NR1I2: variants seen among roughly 807,000 people sequenced by gnomAD.
NR1I2 encodes the protein nuclear receptor subfamily 1 group I member 2.
A neutral mutation model predicts 43.3 loss-of-function variants in NR1I2; 42 were observed. That is an observed-to-expected ratio of 0.97 (90% CI 0.76 to 1.26). NR1I2 has a LOEUF of 1.26. NR1I2 is among the 50% of genes most tolerant of loss of function. The pLI is 0.00. For synonymous variants in NR1I2, 229 were observed against 215.0 expected (o/e 1.06, Z -0.57); for missense variants, 559 against 566.7 (o/e 0.99, Z 0.14).
intron 4 of NR1I2, among the ~76,000 whole-genome samples, chr3:119,812,430 C>A (rs1197559194): frequency 6.6e-6 from 1 of 152,186 alleles, no homozygotes; most frequent in East Asian, 1.9e-4. Flanking sequence ...TTTAACCAAG[C>A]AGGGATGTGT....
At chr3:119,816,281 G>A (rs78559970) in intron 8 of NR1I2, among the ~76,000 whole-genome samples, 1 of 152,252 alleles carries the variant, frequency 6.6e-6, no homozygotes, top group East Asian at 1.9e-4. Flanking sequence ...TTCCTTGTAT[G>A]GAGGCAGGAG....
In NR1I2 at chr3:119,808,068, T is replaced by C. The variant is rs1319416576; in HGVS notation, c.197+621T>C. Among the ~76,000 whole-genome samples the C allele has an allele frequency of 3.3e-5, 5 of 152,170 alleles. No individual in the cohort carries two copies. In the South Asian group the frequency reaches 6.2e-4, roughly 19 times the overall value. ...GGGAGAAATGAACATTCGTGTTGCA[T>C]GAGTTATAACAGGGGTGAGACACAT... is the stretch of plus-strand genomic sequence containing the variant. On this transcript the variant is annotated intron_variant, in intron 2 of 8. Coordinates refer to ENST00000393716, the MANE Select transcript of NR1I2 (RefSeq NM_003889.4).
intron 3 of NR1I2, 179 bp downstream of exon 3, chr3:119,810,373 G>C: frequency 1.1e-6 from 1 of 895,130 alleles, no homozygotes; most frequent in Non-Finnish European, 1.7e-6. Context: ...GCTTGCAGTC[G>C]GCCCTCTGGG....
At chr3:119,809,655 G>C (rs945133958) in intron 2 of NR1I2, among the ~76,000 whole-genome samples, 1 of 152,130 alleles carries the variant, frequency 6.6e-6, no homozygotes, top group Non-Finnish European at 1.5e-5. Context: ...GGGAAATCGA[G>C]GAAGAGGCCC....
In NR1I2 at chr3:119,815,438, A is replaced by G. The variant is rs1478426691; in HGVS notation, c.1053A>G (p.Pro351=). Residue 351 remains proline (P), a splice_region_variant and synonymous_variant, in exon 7 of 9, where the codon CCA becomes CCG. Transcript: ENST00000393716. The stretch of plus-strand genomic sequence containing the variant: ...TGCAGGCCATCTCCCTCTTCTCCCC[A>G]GGTGAGGATCTCCCCTAGGCTGCCT... The G allele has an allele frequency of 1.2e-6, 2 of 1,610,500 alleles. No homozygotes were observed. Among genetic ancestry groups the G allele is most frequent in the Non-Finnish European group, 1.7e-6 (2 of 1,178,142 alleles).
At chr3:119,815,702 GCAC>G in intron 7 of NR1I2, 21 bp from the exon 8 acceptor site, 1 of 1,589,802 alleles carries the variant, frequency 6.3e-7, no homozygotes. Context: ...CCATGATCTT[GCAC>G]CACACCTCCC....
chr3:119,785,885 A>T (rs752539107), intron 1 of NR1I2, among the ~76,000 whole-genome samples: 1 of 152,222 alleles, frequency 6.6e-6, no homozygotes. Context: ...TATTTTAATG[A>T]GATTGATTCT....
At chr3:119,782,930 C>T in intron 1 of NR1I2, 1 of 1,220,186 alleles carries the variant, frequency 8.2e-7, no homozygotes, top group South Asian at 1.2e-5. Flanking sequence ...GTCAGTGCCA[C>T]CAGGTCCTTC....
In NR1I2 at chr3:119,811,709, C is replaced by A; in HGVS notation, c.502C>A (p.His168Asn). 1 of 1,611,152 alleles carries A rather than the reference C, an allele frequency of 6.2e-7. No individual in the cohort carries two copies. The highest frequency in any genetic ancestry group is 2.2e-5 in the East Asian group (1 of 44,796). ...GAAAACCTTTGACACTACCTTCTCC[C>A]ATTTCAAGAATTTCCGGGTAGGAGG... is the stretch of plus-strand genomic sequence containing the variant. Residue 168 changes from histidine (H) to asparagine (N), a missense_variant, in exon 4 of 9, where the codon CAT becomes AAT. Around this residue, in one of 3 missense-constraint regions of NR1I2, gnomAD observed 232 missense variants for 236.6 expected, o/e 0.98. Coordinates refer to ENST00000393716, the MANE Select transcript of NR1I2 (RefSeq NM_003889.4).
rs931805771 is a variant in NR1I2, at chr3:119,791,842, C to G, written c.-23+9542C>G. ...AAACATAGCTGCCAAGTGTTTGAGTCCATCGGCAAGTTTGGACTGGCCTTA... is the reference window on the plus strand; with the variant it reads ...AAACATAGCTGCCAAGTGTTTGAGTGCATCGGCAAGTTTGGACTGGCCTTA... On this transcript the variant is annotated intron_variant, in intron 1 of 8. Coordinates refer to ENST00000393716, the MANE Select transcript of NR1I2 (RefSeq NM_003889.4). 4 of 550,194 alleles carry G rather than the reference C, an allele frequency of 7.3e-6. No individual in the cohort carries two copies. In the African/African-American group the frequency reaches 7.5e-5, roughly 10 times the overall value. The allele number at this position is 550,194 out of a possible 1,614,324, so 34.1% of individuals were successfully genotyped here.
chr3:119,798,664 AG>A (rs1361561495), intron 1 of NR1I2, among the ~76,000 whole-genome samples: 2 of 151,912 alleles, frequency 1.3e-5, no homozygotes, highest in East Asian at 1.9e-4. Flanking sequence ...AGAAAAAGAA[AG>A]AAAGAAAAAG....
chr3:119,790,544 T>A (rs965411595), intron 1 of NR1I2, among the ~76,000 whole-genome samples: 2 of 152,178 alleles, frequency 1.3e-5, no homozygotes, highest in Admixed American at 1.3e-4. Context: ...AGGTTCCCAT[T>A]TGTCTACAGC....
intron 5 of NR1I2, 46 bp from the exon 6 acceptor site, chr3:119,814,933 G>C: frequency 6.2e-7 from 1 of 1,612,804 alleles, no homozygotes; most frequent in East Asian, 2.2e-5. Flanking sequence ...CGGTCTGTGG[G>C]CTGCCTCCCA....
chr3:119,793,777 A>G (rs953501098), intron 1 of NR1I2, among the ~76,000 whole-genome samples: 4 of 152,298 alleles, frequency 2.6e-5, no homozygotes, highest in Middle Eastern at 3.4e-3. Context: ...TGTTCTGGGG[A>G]TAAGGGTGCA....
In NR1I2 at chr3:119,815,069, G is replaced by T; in HGVS notation, c.885G>T (p.Glu295Asp). 1 of 1,614,190 alleles carries T rather than the reference G, an allele frequency of 6.2e-7. No individual in the cohort carries two copies. The highest frequency in any genetic ancestry group is 1.3e-5 in the African/African-American group (1 of 75,048). The change falls in exon 6 of 9, where the codon GAG (glutamate) becomes GAT (aspartate). Residue 295 changes from glutamate to aspartate, a missense_variant. Physicochemically the swap from Glu to Asp is conservative, Grantham distance 45 (BLOSUM62 2). This residue lies in a region of NR1I2 where 323 missense variants were observed against 312.2 expected (regional missense o/e 1.03). Coordinates refer to ENST00000393716, the MANE Select transcript of NR1I2 (RefSeq NM_003889.4). ...GATTCAACACAGTGTTCAACGCGGA[G>T]ACTGGAACCTGGGAGTGTGGCCGGC...
chr3:119,818,353 A>C lies in NR1I2; in HGVS notation c.*1141A>C. The C allele has an allele frequency of 1.0e-6, 1 of 985,458 alleles. No homozygotes were observed. Among genetic ancestry groups the C allele is most frequent in the Non-Finnish European group, 1.2e-6 (1 of 829,930 alleles). 61.0% of individuals were successfully genotyped at this position (985,458 alleles called of 1,614,324 possible). Reference sequence around the variant, plus strand: ...CCTTGTTTATAGCCACTTGTGAGTAAAAATTTTTTTGCATTTTCACAAATT... The same window carrying C: ...CCTTGTTTATAGCCACTTGTGAGTACAAATTTTTTTGCATTTTCACAAATT... On this transcript the variant is annotated 3_prime_UTR_variant, in exon 9 of 9. Transcript: ENST00000393716.
chr3:119,813,624 A>G (rs1244133820), intron 5 of NR1I2, among the ~76,000 whole-genome samples: 1 of 152,160 alleles, frequency 6.6e-6, no homozygotes, highest in Non-Finnish European at 1.5e-5. Flanking sequence ...ACCTGCCACA[A>G]GCTCCTGGTT....
rs1249914367 is a variant in NR1I2 at position 119,815,771 on chromosome 3, A to G, written c.1100A>G (p.Glu367Gly). Residue 367 changes from glutamate to glycine, a missense_variant, in exon 8 of 9, where the codon GAG becomes GGG. This residue lies in a region of NR1I2 where 323 missense variants were observed against 312.2 expected (regional missense o/e 1.03). Coordinates refer to ENST00000393716, the MANE Select transcript of NR1I2 (RefSeq NM_003889.4). Reference sequence around the variant, plus strand: ...CACCGCGTGGTGGACCAGCTGCAGGAGCAATTCGCCATTACTCTGAAGTCC... The same window carrying G: ...CACCGCGTGGTGGACCAGCTGCAGGGGCAATTCGCCATTACTCTGAAGTCC... The G allele has an allele frequency of 6.2e-7, 1 of 1,613,824 alleles. No homozygotes were observed.
chr3:119,812,978 G>C lies in NR1I2; in HGVS notation c.794+18G>C. 6.2e-7 allele frequency: 1 copy of C among 1,610,678 alleles called. No individual in the cohort carries two copies. The highest frequency in any genetic ancestry group is 1.1e-5 in the South Asian group (1 of 91,074). ...TACTTCAGGTAGGACATGGAGACTG[G>C]GTGGTTGGGTGTGGAAAAGAACTGG... On this transcript the variant is annotated intron_variant, in intron 5 of 8. Coordinates refer to ENST00000393716, the MANE Select transcript of NR1I2 (RefSeq NM_003889.4).
Sources: gnomAD v4.1 joint callset for allele counts (sites outside exome capture counted in the v4.1 genomes callset) on GRCh38, gnomAD v4.1.1 for gene constraint, gnomAD v4.1.1 regional missense constraint, MANE v1.5 for transcripts, NCBI Gene and HGNC (gene_info 2026-07-23, HGNC 2026-07-21) for gene names.